The following ENO3 variants were observed in gnomAD, a reference collection of about 807,000 sequenced individuals.
ENO3 encodes beta-enolase.
ENO3 carries 46 observed loss-of-function variants against 47.7 expected under a neutral mutation model. That is an observed-to-expected ratio of 0.96 (90% CI 0.76 to 1.23). The LOEUF (loss-of-function observed/expected upper bound fraction) is 1.23. Among genes scored for constraint, ENO3 ranks in the 50% most tolerant of loss-of-function variants. The probability of loss-of-function intolerance (pLI) is 0.00; values close to 1 mark genes in which losing one functional copy is unlikely to be tolerated. For synonymous variants in ENO3, 223 were observed against 225.9 expected (o/e 0.99, Z 0.11); for missense variants, 575 against 566.2 (o/e 1.02, Z -0.16).
chr17:4,952,876 G>A lies in ENO3; in HGVS notation c.167G>A (p.Arg56His), dbSNP rs775659728. ...GAACTAAGAGACGGAGACAAAGGCC[G>A]CTACCTGGGGAAAGGTGAGGAGACA... ...ALELRDGDKG[R>H]YLGKGVLKAV... Residue 56 changes from arginine (R) to histidine (H), a missense_variant, in exon 3 of 12, where the codon CGC (arginine) becomes CAC (histidine). Transcript: ENST00000519602. 13 of 1,612,252 alleles carry A rather than the reference G, an allele frequency of 8.1e-6. No individual in the cohort carries two copies. The highest frequency in any genetic ancestry group is 1.1e-5 in the South Asian group (1 of 90,712).
At chr17:4,952,714 G>A in intron 2 of ENO3, 81 bp from the exon 3 acceptor site, 1 of 1,362,290 alleles carries the variant, frequency 7.3e-7, no homozygotes, top group Non-Finnish European at 1.0e-6. Flanking sequence ...CACCTGCCTA[G>A]GCCTCTCAAA....
chr17:4,950,435 T>C, upstream of ENO3: 1 of 421,678 alleles, frequency 2.4e-6, no homozygotes, highest in South Asian at 9.9e-5. Flanking sequence ...CCACAGTCGA[T>C]GGGGAAAGGG....
chr17:4,950,784 GC>G (rs1280076773), upstream of ENO3, among the ~76,000 whole-genome samples: 1 of 152,200 alleles, frequency 6.6e-6, no homozygotes, highest in East Asian at 1.9e-4. Context: ...GTTACCCCTG[GC>G]CTTTCCTAAA....
Position 4,953,809 on chromosome 17 carries a change from T to A in ENO3, c.408T>A (p.Asp136Glu). The change falls in exon 6 of 12, where the codon GAT becomes GAA. Residue 136 changes from aspartate (D) to glutamate (E), a missense_variant. By Grantham distance (45) the Asp-to-Glu change is conservative. Coordinates refer to ENST00000519602, the MANE Select transcript of ENO3 (RefSeq NM_053013.4). ...KGVPLYRHIA[D>E]LAGNPDLILP... ...TCCCCCTGTACCGCCACATCGCAGATCTCGCTGGGAACCCTGACCTCATAC... is the reference window on the plus strand; with the variant it reads ...TCCCCCTGTACCGCCACATCGCAGAACTCGCTGGGAACCCTGACCTCATAC... The A allele has an allele frequency of 6.2e-7, 1 of 1,614,162 alleles. No individual in the cohort carries two copies. Among genetic ancestry groups the A allele is most frequent in the Non-Finnish European group, 8.5e-7 (1 of 1,180,028 alleles).
At chr17:4,951,770 A>T in intron 1 of ENO3, 58 bp from the exon 2 acceptor site, 1 of 1,570,606 alleles carries the variant, frequency 6.4e-7, no homozygotes, top group Admixed American at 1.7e-5. Context: ...AGGGCAAGGG[A>T]TTTCTGGTTC....
At chr17:4,951,420 G>A (rs1971534749) in intron 1 of ENO3, among the ~76,000 whole-genome samples, 2 of 152,136 alleles carry the variant, frequency 1.3e-5, no homozygotes, top group South Asian at 4.1e-4. Context: ...GGCAGCTAGA[G>A]CTGGAACCTG....
At chr17:4,952,051 A>G (rs1261252450) in intron 2 of ENO3, 137 bp downstream of exon 2, 2 of 918,730 alleles carry the variant, frequency 2.2e-6, no homozygotes, top group Non-Finnish European at 1.7e-6. Context: ...CCTTCTTCCA[A>G]CGTGGAACCA....
At chr17:4,952,649 A>G (rs1052590334) in intron 2 of ENO3, 146 bp from the exon 3 acceptor site, 2 of 834,850 alleles carry the variant, frequency 2.4e-6, no homozygotes, top group East Asian at 2.7e-5. Flanking sequence ...TTTTTAGCAG[A>G]GACGGTTTCG....
rs903027338 is a variant in ENO3 at position 4,955,999 on chromosome 17, T to C, written c.923T>C (p.Leu308Pro). Residue 308 changes from leucine (L) to proline (P), a missense_variant, in exon 9 of 12, where the codon CTC becomes CCC. By Grantham distance (98) the Leu-to-Pro change is moderately conservative. Coordinates refer to ENST00000519602, the MANE Select transcript of ENO3 (RefSeq NM_053013.4). ...QDDWATWTSF[L>P]SGVNIQIVGD... ...GACTGGGCCACTTGGACCTCCTTCCTCTCGGGGGTGAACATCCAGATTGTG... is the reference window on the plus strand; with the variant it reads ...GACTGGGCCACTTGGACCTCCTTCCCCTCGGGGGTGAACATCCAGATTGTG... The C allele has an allele frequency of 1.2e-6, 2 of 1,613,700 alleles. No homozygotes were observed. Among genetic ancestry groups the C allele is most frequent in the African/African-American group, 2.7e-5 (2 of 74,774 alleles).
At chr17:4,954,966 T>C (rs1971670830) in intron 6 of ENO3, 109 bp from the exon 7 acceptor site, 2 of 890,828 alleles carry the variant, frequency 2.2e-6, no homozygotes, top group South Asian at 3.0e-5. Flanking sequence ...CCTAGACCAC[T>C]GAGCTAGTAA....
upstream of ENO3, chr17:4,950,736 C>T: frequency 1.1e-6 from 1 of 935,936 alleles, no homozygotes; most frequent in Non-Finnish European, 1.3e-6. Flanking sequence ...TCTTGCAGCC[C>T]CTCTTCCAGG....
chr17:4,950,377 GTTGA>G (rs1211863945), upstream of ENO3: 10 of 172,348 alleles, frequency 5.8e-5, no homozygotes, highest in Non-Finnish European at 1.0e-4. Context: ...TTTGTTCACT[GTTGA>G]TTCAGCCCCA....
chr17:4,953,012 G>T (rs746414652), intron 3 of ENO3, 39 bp from the exon 4 acceptor site: 2 of 1,613,778 alleles, frequency 1.2e-6, no homozygotes, highest in Middle Eastern at 3.3e-4. Context: ...AAGGGGCCCA[G>T]TTGATTGAGC....
At chr17:4,955,011 G>A (rs780240512) in intron 6 of ENO3, 64 bp from the exon 7 acceptor site, 17 of 1,120,160 alleles carry the variant, frequency 1.5e-5, no homozygotes, top group African/African-American at 1.6e-5. Context: ...AACACCCCCC[G>A]CCCCTGTCCC....
At chr17:4,953,943 G>A in intron 6 of ENO3, 98 bp downstream of exon 6, 1 of 1,575,656 alleles carries the variant, frequency 6.3e-7, no homozygotes. Flanking sequence ...TTTCAGACCA[G>A]CTCCTAAGAA....
chr17:4,955,113 C>G lies in ENO3; in HGVS notation c.483C>G (p.Asn161Lys). 1 of 1,611,354 alleles carries G rather than the reference C, an allele frequency of 6.2e-7. No individual in the cohort carries two copies. Among genetic ancestry groups the G allele is most frequent in the Non-Finnish European group, 8.5e-7 (1 of 1,178,220 alleles). ...NVINGGSHAG[N>K]KLAMQEFMIL... The stretch of plus-strand genomic sequence containing the variant: ...TCAACGGGGGCTCCCATGCTGGAAA[C>G]AAGCTGGCCATGCAGGAGTTCATGA... Residue 161 changes from asparagine to lysine, a missense_variant, in exon 7 of 12, where the codon AAC becomes AAG. By Grantham distance (94) the Asn-to-Lys change is moderately conservative (BLOSUM62 0). Coordinates refer to ENST00000519602, the MANE Select transcript of ENO3 (RefSeq NM_053013.4).
At chr17:4,955,648 C>T in intron 8 of ENO3, 44 bp downstream of exon 8, 2 of 1,611,084 alleles carry the variant, frequency 1.2e-6, no homozygotes, top group Non-Finnish European at 1.7e-6. Context: ...GAATCCCGTG[C>T]AGCTGCCTAA....
At chr17:4,955,000 C>G (rs531517186) in intron 6 of ENO3, 75 bp from the exon 7 acceptor site, 2 of 1,429,274 alleles carry the variant, frequency 1.4e-6, no homozygotes, top group African/African-American at 2.8e-5. Flanking sequence ...GTTTCCACCC[C>G]AACACCCCCC....
chr17:4,953,062 G>T lies in ENO3; in HGVS notation c.193G>T (p.Ala65Ser). 6.2e-7 allele frequency: 1 copy of T among 1,614,244 alleles called. No individual in the cohort carries two copies. ...GRYLGKGVLK[A>S]VENINNTLGP... is the part of the protein sequence containing the mutation. ...TCTGGCCTGTCTAGGAGTCCTGAAG[G>T]CTGTGGAGAACATCAACAATACTCT... is the stretch of plus-strand genomic sequence containing the variant. Residue 65 changes from alanine to serine, a missense_variant, in exon 4 of 12, where the codon GCT (alanine) becomes TCT (serine). Physicochemically the swap from Ala to Ser is moderately conservative, Grantham distance 99. Coordinates refer to ENST00000519602, the MANE Select transcript of ENO3 (RefSeq NM_053013.4).
Sources: gnomAD v4.1 joint callset for allele counts (sites outside exome capture counted in the v4.1 genomes callset) on GRCh38, gnomAD v4.1.1 for gene constraint, MANE v1.5 for transcripts, NCBI Gene and HGNC (gene_info 2026-07-23, HGNC 2026-07-21) for gene names.